The following N4BP2 variants were observed in gnomAD, a reference collection of about 807,000 sequenced individuals.
N4BP2 encodes the protein NEDD4-binding protein 2.
A neutral mutation model predicts 152.8 loss-of-function variants in N4BP2; 91 were observed. The observed-to-expected ratio is 0.60, with a 90% CI of 0.50 to 0.71. The LOEUF (loss-of-function observed/expected upper bound fraction) is 0.71. N4BP2 is among the 30% of genes least tolerant of loss of function. N4BP2 has a pLI of 0.00. For synonymous variants in N4BP2, 646 were observed against 705.3 expected, an observed-to-expected ratio of 0.92 and a Z score of 1.33; for missense variants, 1,923 against 2,059.1, an observed-to-expected ratio of 0.93 and a Z score of 1.28.
Position 40,124,157 on chromosome 4 carries a change from T to C in N4BP2, c.4285-3T>C. On this transcript the variant is annotated splice_region_variant and splice_polypyrimidine_tract_variant and intron_variant, in intron 10 of 17. Coordinates refer to ENST00000261435, the MANE Select transcript of N4BP2 (RefSeq NM_018177.6). Reference sequence around the variant, plus strand: ...CAATCTCTTGCCTGGCTTTTGTGTTTAGGAGCGACAAAGACAAGAAGAGGT... The same window carrying C: ...CAATCTCTTGCCTGGCTTTTGTGTTCAGGAGCGACAAAGACAAGAAGAGGT... 1.2e-6 allele frequency: 2 copies of C among 1,608,936 alleles called. No individual in the cohort carries two copies. The highest frequency in any genetic ancestry group is 1.7e-6 in the Non-Finnish European group (2 of 1,176,468).
intron 1 of N4BP2, among the ~76,000 whole-genome samples, chr4:40,066,150 C>T (rs1734024774): frequency 6.6e-6 from 1 of 151,420 alleles, no homozygotes; most frequent in African/African-American, 2.4e-5. Context: ...AGGATGGTGT[C>T]AATCCCTTGA....
intron 1 of N4BP2, among the ~76,000 whole-genome samples, chr4:40,061,394 C>A (rs948139284): frequency 6.6e-6 from 1 of 151,036 alleles, no homozygotes; most frequent in African/African-American, 2.4e-5. Context: ...GATGGAGTCT[C>A]GCTCTTGTTG....
chr4:40,137,978 T>A (rs1047819635), intron 14 of N4BP2, among the ~76,000 whole-genome samples: 1 of 152,132 alleles, frequency 6.6e-6, no homozygotes, highest in Non-Finnish European at 1.5e-5. Flanking sequence ...ATGAAAGGCG[T>A]GCTCCCAGAC....
At chr4:40,113,371 CAAT>C in intron 6 of N4BP2, 58 bp from the exon 7 acceptor site, 4 of 1,257,132 alleles carry the variant, frequency 3.2e-6, no homozygotes, top group Admixed American at 1.9e-5. Flanking sequence ...TATTTGGAAA[CAAT>C]AATTTTAATT....
rs1194820067 is a variant in N4BP2, at chr4:40,155,680, C to G, written c.*1443C>G. On this transcript the variant is annotated 3_prime_UTR_variant, in exon 18 of 18. Coordinates refer to ENST00000261435, the MANE Select transcript of N4BP2 (RefSeq NM_018177.6). Reference sequence around the variant, plus strand: ...ATATTTTCAACATACATAATTTTAACAAATAGTTTTGTTGCTTTTTGTTAA... The same window carrying G: ...ATATTTTCAACATACATAATTTTAAGAAATAGTTTTGTTGCTTTTTGTTAA... The G allele has an allele frequency of 2.0e-5, 3 of 151,940 alleles. No individual in the cohort carries two copies. Among genetic ancestry groups the G allele is most frequent in the Admixed American group, 2.0e-4 (3 of 15,256 alleles). The allele number at this position is 151,940 out of a possible 1,614,324, so 9.4% of individuals were successfully genotyped here. A position where few individuals can be genotyped will look rare whatever the true frequency, so the allele number is the denominator to read the frequency against.
At chr4:40,073,329 CTT>C (rs1159233479) in intron 1 of N4BP2, 124 bp from the exon 2 acceptor site, 3 of 152,020 alleles carry the variant, frequency 2.0e-5, no homozygotes, top group African/African-American at 7.2e-5. Context: ...TGTCTTTTCT[CTT>C]TTGTCACTTT....
chr4:40,185,808 A>G, the N4BP2 span, among the ~76,000 whole-genome samples: 2 of 152,214 alleles, frequency 1.3e-5, no homozygotes, highest in African/African-American at 2.4e-5. Context: ...ATGCACAGCT[A>G]CAATAATTTA....
chr4:40,121,943 A>G lies in N4BP2; in HGVS notation c.3832A>G (p.Ile1278Val). Residue 1278 changes from isoleucine (I) to valine (V), a missense_variant, in exon 9 of 18, where the codon ATA becomes GTA. Coordinates refer to ENST00000261435, the MANE Select transcript of N4BP2 (RefSeq NM_018177.6). ...NLVVTETGDN[I>V]HSPSHFSDIF... is the part of the protein sequence containing the mutation. The stretch of plus-strand genomic sequence containing the variant: ...AGTAGTCACAGAGACTGGAGACAAC[A>G]TACATTCTCCTTCACATTTCTCTGA... The G allele has an allele frequency of 6.3e-7, 1 of 1,575,870 alleles. No individual in the cohort carries two copies. The highest frequency in any genetic ancestry group is 8.6e-7 in the Non-Finnish European group (1 of 1,164,836).
At chr4:40,068,632 G>C (rs1472929977) in intron 1 of N4BP2, among the ~76,000 whole-genome samples, 1 of 152,232 alleles carries the variant, frequency 6.6e-6, no homozygotes, top group East Asian at 1.9e-4. Flanking sequence ...ACATATGTGA[G>C]TATTTATTTC....
chr4:40,149,494 AGTG>A (rs1720936836), intron 16 of N4BP2, among the ~76,000 whole-genome samples: 1 of 152,028 alleles, frequency 6.6e-6, no homozygotes, highest in African/African-American at 2.4e-5. Flanking sequence ...TTCTGGAATT[AGTG>A]GTGGTGGTTG....
intron 17 of N4BP2, 113 bp from the exon 18 acceptor site, chr4:40,154,079 C>T (rs1721404928): frequency 1.4e-6 from 1 of 732,542 alleles, no homozygotes; most frequent in Non-Finnish European, 2.3e-6. Context: ...AGGGTCAATA[C>T]TTTGGTAGTA....
rs79029309 is a variant in N4BP2 at position 40,131,623 on chromosome 4, A to T, written c.4528-178A>T. Among the ~76,000 whole-genome samples, 27 of 152,304 alleles carry T rather than the reference A, an allele frequency of 1.8e-4. 1 individual carries two copies. In the East Asian group the frequency reaches 5.0e-3, roughly 28 times the overall value. On this transcript the variant is annotated intron_variant, in intron 12 of 17. Transcript: ENST00000261435. ...CTTCAAATACTTTGCAAAAAATGAG[A>T]TATAAATAAATAGTGCAAGAGTACT...
intron 2 of N4BP2, among the ~76,000 whole-genome samples, chr4:40,085,315 C>A (rs988971850): frequency 2.0e-5 from 3 of 152,186 alleles, no homozygotes; most frequent in Non-Finnish European, 2.9e-5. Context: ...GGATTACAGG[C>A]CTGAGTCACT....
At chr4:40,108,469 C>G (rs1716539099) in intron 5 of N4BP2, among the ~76,000 whole-genome samples, 1 of 152,008 alleles carries the variant, frequency 6.6e-6, no homozygotes, top group Admixed American at 6.6e-5. Flanking sequence ...GCACGTGCCA[C>G]CATGCCTGGC....
rs779214852 is a variant in N4BP2, at chr4:40,142,703, C to T, written c.4816C>T (p.Pro1606Ser). The change falls in exon 15 of 18, where the codon CCA (proline) becomes TCA (serine). Residue 1606 changes from proline to serine, a missense_variant. By Grantham distance (74) the Pro-to-Ser change is moderately conservative. Transcript: ENST00000261435. ...GAAATTAAAAGAGACTGAAGAAACA[C>T]CAAGTGAACTGTCTTTCCAGGACTT... is the stretch of plus-strand genomic sequence containing the variant. Reference protein sequence around the residue: ...PKKLKETEETPSELSFQDFEY... With the variant: ...PKKLKETEETSSELSFQDFEY... 4 of 1,611,828 alleles carry T rather than the reference C, an allele frequency of 2.5e-6. No individual in the cohort carries two copies. Among genetic ancestry groups the T allele is most frequent in the Non-Finnish European group, 3.4e-6 (4 of 1,179,256 alleles).
At chr4:40,159,658 T>C (rs936742301), downstream of N4BP2, among the ~76,000 whole-genome samples, 2 of 152,184 alleles carry the variant, frequency 1.3e-5, no homozygotes, top group South Asian at 4.1e-4. Flanking sequence ...TCATGTCATA[T>C]CTAGCTGCGA....
intron 14 of N4BP2, among the ~76,000 whole-genome samples, chr4:40,137,582 G>T (rs1719521382): frequency 6.6e-6 from 1 of 152,146 alleles, no homozygotes; most frequent in South Asian, 2.1e-4. Context: ...AGAATACCGA[G>T]AATTTGTTTT....
rs571075152 is a variant in N4BP2, at chr4:40,100,529, A to G, written c.230-1546A>G. Among the ~76,000 whole-genome samples the G allele has an allele frequency of 5.9e-5, 9 of 152,064 alleles. No homozygotes were observed. In the South Asian group the frequency reaches 1.7e-3, roughly 28 times the overall value. ...CCTATGTGGCTGGTACTATACGCAC[A>G]TGCTACCACACTGGTTAATTTTTGT... On this transcript the variant is annotated intron_variant, in intron 3 of 17. Transcript: ENST00000261435.
At chr4:40,148,071 C>A (rs967337834) in intron 16 of N4BP2, among the ~76,000 whole-genome samples, 1 of 152,224 alleles carries the variant, frequency 6.6e-6, no homozygotes, top group Non-Finnish European at 1.5e-5. Flanking sequence ...AGGCTGCAAT[C>A]TCCGGCACTT....
Sources: allele counts gnomAD v4.1 joint callset (sites outside exome capture counted in the v4.1 genomes callset), GRCh38; gene constraint gnomAD v4.1.1; transcripts MANE v1.5; gene names NCBI Gene and HGNC (gene_info 2026-07-23, HGNC 2026-07-21).